The following CIDEA variants were observed in gnomAD, a reference collection of about 807,000 sequenced individuals.
CIDEA encodes cell death inducing DFFA like effector a.
CIDEA carries 10 observed loss-of-function variants against 18.2 expected under a neutral mutation model. The observed-to-expected ratio is 0.55, with a 90% CI of 0.34 to 0.93. The LOEUF (loss-of-function observed/expected upper bound fraction) is 0.93. Among genes scored for constraint, CIDEA ranks in the 40% least tolerant of loss-of-function variants. The pLI, the probability that CIDEA is intolerant of heterozygous loss-of-function variation, is 0.02. For synonymous variants in CIDEA, 128 were observed against 124.8 expected (o/e 1.03, Z -0.17); for missense variants, 309 against 293.1 (o/e 1.05, Z -0.40).
chr18:12,277,053 T>C, intron 4 of CIDEA, 70 bp from the exon 5 acceptor site: 3 of 1,567,358 alleles, frequency 1.9e-6, no homozygotes, highest in Non-Finnish European at 2.6e-6. Flanking sequence ...GAGTGAAGTA[T>C]TCCCATCCTG....
At chr18:12,258,531 G>T (rs1208993848) in intron 1 of CIDEA, among the ~76,000 whole-genome samples, 1 of 152,264 alleles carries the variant, frequency 6.6e-6, no homozygotes, top group Non-Finnish European at 1.5e-5. Context: ...CCGTGAGACA[G>T]ATGCTAGAGG....
chr18:12,276,148 C>A (rs997695821), intron 4 of CIDEA, among the ~76,000 whole-genome samples: 1 of 151,848 alleles, frequency 6.6e-6, no homozygotes, highest in Admixed American at 6.6e-5. Flanking sequence ...CATGCACCAC[C>A]ACACCCAGCT....
Position 12,258,290 on chromosome 18 carries a change from C to A in CIDEA, c.38+3869C>A, listed in dbSNP as rs181601499. 7.9e-4 allele frequency among the ~76,000 whole-genome samples: 121 copies of A among 152,332 alleles called. 2 individuals carry two copies. The highest frequency in any genetic ancestry group is 4.3e-4 in the African/African-American group (18 of 41,576). ...AAGACCGCAGGAACCTGGAATTAAT[C>A]ATCTGGGCCAGGTCACCGGAGCACA... On this transcript the variant is annotated intron_variant, in intron 1 of 4. Transcript: ENST00000320477.
At chr18:12,257,669 C>T (rs1315634609) in intron 1 of CIDEA, among the ~76,000 whole-genome samples, 1 of 152,240 alleles carries the variant, frequency 6.6e-6, no homozygotes, top group Non-Finnish European at 1.5e-5. Context: ...TTCTGTGAAA[C>T]AGCCTACTTC....
chr18:12,268,380 GTT>G (rs11461529), intron 3 of CIDEA, among the ~76,000 whole-genome samples: 1 of 136,246 alleles, frequency 7.3e-6, no homozygotes, highest in African/African-American at 2.7e-5. Context: ...GCCCCCAGTG[GTT>G]TTTTTTTTTT....
In CIDEA at chr18:12,254,978, G is replaced by C. The variant is rs763709375; in HGVS notation, c.38+557G>C. ...CCAGGTTGGTGGTGCTGGGAGAAGC[G>C]CTCCTCCTTGCCTCCGGGTCCAAGG... On this transcript the variant is annotated intron_variant, in intron 1 of 4. Transcript: ENST00000320477. 4.2e-6 allele frequency: 5 copies of C among 1,194,660 alleles called. No homozygotes were observed. In the East Asian group the frequency reaches 2.3e-4, roughly 55 times the overall value. The allele number at this position is 1,194,660 out of a possible 1,614,324, so 74.0% of individuals were successfully genotyped here. A position where few individuals can be genotyped will look rare whatever the true frequency, so the allele number is the denominator to read the frequency against.
At chr18:12,276,601 T>C (rs67894943) in intron 4 of CIDEA, among the ~76,000 whole-genome samples, 25,754 of 152,200 alleles carry the variant, frequency 0.17, 2,203 homozygotes, top group African/African-American at 0.2. Context: ...CTGTTGTGGG[T>C]GCTGGGGGCA....
intron 1 of CIDEA, among the ~76,000 whole-genome samples, chr18:12,261,687 T>C (rs1251407216): frequency 6.6e-6 from 1 of 151,972 alleles, no homozygotes; most frequent in African/African-American, 2.4e-5. Flanking sequence ...AATCCTCTCA[T>C]CTCCACTTCC....
intron 3 of CIDEA, among the ~76,000 whole-genome samples, chr18:12,271,699 G>T (rs753953432): frequency 3.9e-5 from 6 of 152,124 alleles, no homozygotes; most frequent in Non-Finnish European, 8.8e-5. Context: ...CCGGCCACGC[G>T]CTCCAGGGGG....
intron 3 of CIDEA, among the ~76,000 whole-genome samples, chr18:12,272,097 C>A (rs941406260): frequency 1.5e-5 from 2 of 137,306 alleles, no homozygotes; most frequent in African/African-American, 5.5e-5. Flanking sequence ...GCTGGCGCCC[C>A]CAAGAGGCCG....
At chr18:12,259,477 TGGA>T (rs1912129729) in intron 1 of CIDEA, among the ~76,000 whole-genome samples, 1 of 152,212 alleles carries the variant, frequency 6.6e-6, no homozygotes, top group Admixed American at 6.5e-5. Flanking sequence ...CTGGCCCACT[TGGA>T]GAAGCCACTC....
At chr18:12,258,899 G>T (rs576311481) in intron 1 of CIDEA, among the ~76,000 whole-genome samples, 2 of 152,192 alleles carry the variant, frequency 1.3e-5, no homozygotes, top group Non-Finnish European at 2.9e-5. Flanking sequence ...AGGTGGAGGC[G>T]ACGCCAGGGT....
At position 12,256,961 on chromosome 18, in the gene CIDEA, C is replaced by T. The variant is rs1366173553; in HGVS notation, c.38+2540C>T. On this transcript the variant is annotated intron_variant, in intron 1 of 4. Transcript: ENST00000320477. ...GTTTATCTGGGGGGTAGGTGTGCTCCCACCTGCATATGTCACGTCCAAGAG... is the reference window on the plus strand; with the variant it reads ...GTTTATCTGGGGGGTAGGTGTGCTCTCACCTGCATATGTCACGTCCAAGAG... Among the ~76,000 whole-genome samples the T allele has an allele frequency of 2.0e-5, 3 of 152,190 alleles. No individual in the cohort carries two copies. The East Asian group carries it at 5.8e-4, about 29-fold the overall frequency.
rs1912239436 is a variant in CIDEA, at chr18:12,262,941, C to T, written c.155C>T (p.Ala52Val). 6.2e-7 allele frequency: 1 copy of T among 1,614,166 alleles called. No individual in the cohort carries two copies. Among genetic ancestry groups the T allele is most frequent in the Non-Finnish European group, 8.5e-7 (1 of 1,180,030 alleles). ...AGGAGCAGCCGGCGTGGGGTGATGGCAAGCAGCCTGCAGGAGCTCATCAGC... is the reference window on the plus strand; with the variant it reads ...AGGAGCAGCCGGCGTGGGGTGATGGTAAGCAGCCTGCAGGAGCTCATCAGC... ...HDRSSRRGVM[A>V]SSLQELISKT... Residue 52 changes from alanine to valine, a missense_variant, in exon 2 of 5, where the codon GCA becomes GTA. Transcript: ENST00000320477.
chr18:12,264,896 A>C (rs1216470602), intron 3 of CIDEA, among the ~76,000 whole-genome samples: 1 of 152,186 alleles, frequency 6.6e-6, no homozygotes, highest in African/African-American at 2.4e-5. Flanking sequence ...TCACCTAACA[A>C]CTGGATCCAC....
intron 3 of CIDEA, among the ~76,000 whole-genome samples, chr18:12,266,482 C>T (rs912836281): frequency 6.6e-5 from 10 of 151,940 alleles, no homozygotes; most frequent in Non-Finnish European, 1.2e-4. Flanking sequence ...TAAAAAGGAA[C>T]AAGAGCTAAT....
chr18:12,272,940 A>G (rs992247707), intron 3 of CIDEA, among the ~76,000 whole-genome samples: 3 of 152,194 alleles, frequency 2.0e-5, no homozygotes, highest in African/African-American at 7.2e-5. Flanking sequence ...CTGAAAGACA[A>G]ATTCAAGTCA....
At chr18:12,267,981 C>T (rs79219904) in intron 3 of CIDEA, among the ~76,000 whole-genome samples, 3 of 152,140 alleles carry the variant, frequency 2.0e-5, no homozygotes, top group Non-Finnish European at 4.4e-5. Flanking sequence ...ACTTATCCAG[C>T]CTCCAATGTC....
intron 1 of CIDEA, among the ~76,000 whole-genome samples, chr18:12,257,797 G>A (rs367743168): frequency 3.3e-5 from 5 of 152,260 alleles, no homozygotes; most frequent in African/African-American, 1.2e-4. Context: ...CATGTGTGGT[G>A]TGTCTAAACG....
Sources: allele counts gnomAD v4.1 joint callset (sites outside exome capture counted in the v4.1 genomes callset), GRCh38; gene constraint gnomAD v4.1.1; transcripts MANE v1.5; gene names NCBI Gene and HGNC (gene_info 2026-07-23, HGNC 2026-07-21).